SOX6: variants seen among roughly 807,000 people sequenced by gnomAD.
SOX6 encodes transcription factor SOX-6.
Under a neutral mutation model 97.8 loss-of-function variants are expected in SOX6, and 11 were observed. That is an observed-to-expected ratio of 0.11 (90% CI 0.07 to 0.19). SOX6 has a LOEUF of 0.19. Among genes scored for constraint, SOX6 ranks in the 10% least tolerant of loss-of-function variants. The pLI, the probability that SOX6 is intolerant of heterozygous loss-of-function variation, is 1.00. For synonymous variants in SOX6, 360 were observed against 371.4 expected (o/e 0.97, Z 0.35); for missense variants, 810 against 1,039.5 (o/e 0.78, Z 3.04).
chr11:16,682,296 G>C (rs907979368), intron 3 of SOX6, among the ~76,000 whole-genome samples: 1 of 152,152 alleles, frequency 6.6e-6, no homozygotes, highest in Non-Finnish European at 1.5e-5. Flanking sequence ...CTCTAGCCTG[G>C]GCGACAGAAC....
chr11:16,536,600 A>G (rs1057166467), intron 4 of SOX6, among the ~76,000 whole-genome samples: 2 of 152,188 alleles, frequency 1.3e-5, no homozygotes, highest in Non-Finnish European at 2.9e-5. Flanking sequence ...CCCCCACACA[A>G]ATACTGTGCT....
intron 4 of SOX6, among the ~76,000 whole-genome samples, chr11:16,190,118 G>GAT (rs1283817662): frequency 1.3e-5 from 2 of 152,110 alleles, no homozygotes; most frequent in South Asian, 2.1e-4. Flanking sequence ...AGGGTTAATA[G>GAT]ATATATATAA....
rs1565196531 is a variant in SOX6, at chr11:16,624,810, G to GT, written n.430-12551dup. ...TGATATTGTCCAGTTTGTTTGGTCA[G>GT]TTTTTTAAAAATATTAGCCATTCTA... On this transcript the variant is annotated intron_variant and non_coding_transcript_variant, in intron 3 of 5. Transcript: ENST00000524520. 3.9e-5 allele frequency among the ~76,000 whole-genome samples: 6 copies of GT among 152,268 alleles called. No individual in the cohort carries two copies. In the South Asian group the frequency reaches 1.2e-3, roughly 32 times the overall value.
intron 4 of SOX6, among the ~76,000 whole-genome samples, chr11:16,192,602 T>G (rs1851660876): frequency 6.6e-6 from 1 of 151,808 alleles, no homozygotes; most frequent in Admixed American, 6.6e-5. Context: ...AAAAAATAAC[T>G]GAAATGTACT....
chr11:16,107,884 A>C (rs1472146890), intron 7 of SOX6, among the ~76,000 whole-genome samples: 1 of 152,188 alleles, frequency 6.6e-6, no homozygotes, highest in Non-Finnish European at 1.5e-5. Context: ...ACTATGACTC[A>C]GTCTAACACT....
intron 3 of SOX6, among the ~76,000 whole-genome samples, chr11:16,632,207 T>G (rs899593065): frequency 6.6e-6 from 1 of 152,238 alleles, no homozygotes; most frequent in African/African-American, 2.4e-5. Context: ...ACACTGACAC[T>G]TCTAATTTTT....
At chr11:16,522,358 G>A (rs777071696) in intron 4 of SOX6, among the ~76,000 whole-genome samples, 1 of 152,068 alleles carries the variant, frequency 6.6e-6, no homozygotes, top group Non-Finnish European at 1.5e-5. Context: ...TTTCAACCCA[G>A]AATTTCATAT....
At chr11:16,139,918 T>C (rs1240949053) in intron 6 of SOX6, among the ~76,000 whole-genome samples, 2 of 148,706 alleles carry the variant, frequency 1.3e-5, no homozygotes, top group African/African-American at 4.9e-5. Context: ...TATTTGTAAC[T>C]CTTTTCTAAA....
At chr11:16,582,357 A>C (rs562918067) in intron 4 of SOX6, among the ~76,000 whole-genome samples, 61 of 152,338 alleles carry the variant, frequency 4.0e-4, no homozygotes, top group African/African-American at 1.5e-3. Context: ...ATTAGAAATA[A>C]CATATCTGGA....
intron 9 of SOX6, among the ~76,000 whole-genome samples, chr11:16,090,309 T>C (rs1848657995): frequency 6.6e-6 from 1 of 152,098 alleles, no homozygotes; most frequent in African/African-American, 2.4e-5. Context: ...ACAGAGCTTA[T>C]GTGAGAAGAG....
Position 16,276,885 on chromosome 11 carries a change from T to G in SOX6, c.445+41561A>C, listed in dbSNP as rs139453029. Among the ~76,000 whole-genome samples, 663 of 152,346 alleles carry G rather than the reference T, an allele frequency of 4.4e-3. 5 individuals are homozygous for G. Among genetic ancestry groups the G allele is most frequent in the African/African-American group, 0.014 (602 of 41,576 alleles). ...CACCTAATAATTTTGTCACCTGAAG[T>G]ATAACTGAACCACAATTTCTTCATT... On this transcript the variant is annotated intron_variant, in intron 3 of 15. Coordinates refer to ENST00000683767, the MANE Select transcript of SOX6 (RefSeq NM_001367873.1).
intron 4 of SOX6, among the ~76,000 whole-genome samples, chr11:16,571,666 T>G (rs1277870772): frequency 6.6e-6 from 1 of 152,142 alleles, no homozygotes; most frequent in Non-Finnish European, 1.5e-5. Flanking sequence ...TTGTTTGTTT[T>G]TTTGAGACAG....
At chr11:15,973,579 G>T (rs533764538) in intron 15 of SOX6, among the ~76,000 whole-genome samples, 3 of 152,318 alleles carry the variant, frequency 2.0e-5, no homozygotes, top group Non-Finnish European at 4.4e-5. Flanking sequence ...AAGATGAGAA[G>T]GGACCTAGCA....
intron 3 of SOX6, among the ~76,000 whole-genome samples, chr11:16,645,193 T>G (rs1247980547): frequency 2.0e-5 from 3 of 152,204 alleles, no homozygotes; most frequent in African/African-American, 7.2e-5. Context: ...TTCTGTATTT[T>G]ATCAAATGCC....
chr11:16,134,147 A>G (rs971287153), intron 6 of SOX6, among the ~76,000 whole-genome samples: 1 of 152,218 alleles, frequency 6.6e-6, no homozygotes, highest in Admixed American at 6.5e-5. Flanking sequence ...CATGAGGTAA[A>G]TACTGTTATT....
At chr11:16,174,970 A>G (rs533688702) in intron 6 of SOX6, among the ~76,000 whole-genome samples, 4 of 152,034 alleles carry the variant, frequency 2.6e-5, no homozygotes, top group African/African-American at 9.6e-5. Flanking sequence ...CTGCTCTAAT[A>G]CTTGGTCAAC....
intron 13 of SOX6, among the ~76,000 whole-genome samples, chr11:15,992,295 G>A (rs1362652371): frequency 6.6e-6 from 1 of 152,154 alleles, no homozygotes; most frequent in Non-Finnish European, 1.5e-5. Context: ...ACCCAGGGAG[G>A]CCAACATTTG....
At chr11:16,118,122 T>G (rs1234654233) in intron 6 of SOX6, among the ~76,000 whole-genome samples, 1 of 152,204 alleles carries the variant, frequency 6.6e-6, no homozygotes, top group Non-Finnish European at 1.5e-5. Flanking sequence ...TGTGTTATTT[T>G]TATTGCTTTG....
chr11:16,676,712 C>G (rs1446621398), intron 3 of SOX6, among the ~76,000 whole-genome samples: 1 of 152,128 alleles, frequency 6.6e-6, no homozygotes, highest in Non-Finnish European at 1.5e-5. Flanking sequence ...TGCCTAGAAT[C>G]AACACAAATC....
Sources: allele counts gnomAD v4.1 joint callset (sites outside exome capture counted in the v4.1 genomes callset), GRCh38; gene constraint gnomAD v4.1.1; transcripts MANE v1.5; gene names NCBI Gene and HGNC (gene_info 2026-07-23, HGNC 2026-07-21).